PHACTR1: variants seen among roughly 807,000 people sequenced by gnomAD.
PHACTR1 encodes phosphatase and actin regulator 1.
In PHACTR1, 16 loss-of-function variants were observed where a neutral mutation model predicts 69.2. The ratio of observed to expected loss-of-function variants is 0.23; its 90% CI spans 0.16 to 0.35. PHACTR1 has a LOEUF of 0.35. Among genes scored for constraint, PHACTR1 ranks in the 10% least tolerant of loss-of-function variants. The pLI is 1.00. For missense variants in PHACTR1, 510 were observed against 734.7 expected (o/e 0.69, Z 3.54); for synonymous variants, 312 against 284.5 (o/e 1.10, Z -0.97).
chr6:13,104,687 G>C (rs959172750), intron 5 of PHACTR1, among the ~76,000 whole-genome samples: 14 of 152,090 alleles, frequency 9.2e-5, no homozygotes. Flanking sequence ...GGCCAATTTA[G>C]AATTAGCATA....
chr6:12,956,758 T>A (rs948090153), intron 4 of PHACTR1, among the ~76,000 whole-genome samples: 8 of 152,168 alleles, frequency 5.3e-5, no homozygotes, highest in Non-Finnish European at 1.2e-4. Context: ...GTTTTAGGTT[T>A]TATTTGCACA....
intron 3 of PHACTR1, among the ~76,000 whole-genome samples, chr6:12,737,602 T>C (rs550215274): frequency 4.4e-4 from 66 of 151,392 alleles, no homozygotes; most frequent in Admixed American, 6.6e-4. Flanking sequence ...TTCTTTCTTT[T>C]TTTTTTTTAA....
chr6:12,868,750 T>G (rs1781730698), intron 4 of PHACTR1, among the ~76,000 whole-genome samples: 1 of 151,608 alleles, frequency 6.6e-6, no homozygotes, highest in African/African-American at 2.4e-5. Flanking sequence ...GTAGCAACAG[T>G]TTATGAAAAC....
At chr6:13,206,397 A>G (rs1022898703) in intron 8 of PHACTR1, among the ~76,000 whole-genome samples, 5 of 152,382 alleles carry the variant, frequency 3.3e-5, no homozygotes, top group Admixed American at 2.6e-4. Flanking sequence ...TTATATATAC[A>G]CACAGTCCTC....
intron 10 of PHACTR1, chr6:13,267,153 C>G (rs1414896856): frequency 6.6e-6 from 1 of 152,262 alleles, no homozygotes; most frequent in Non-Finnish European, 1.5e-5. Flanking sequence ...CTCTTCCAGT[C>G]TTCTCTGTTC....
chr6:13,131,176 T>TAC (rs1230713782), intron 5 of PHACTR1, among the ~76,000 whole-genome samples: 61 of 23,854 alleles, frequency 2.6e-3, no homozygotes, highest in African/African-American at 5.6e-3. Flanking sequence ...TATGTGTGTA[T>TAC]ATACACACAC....
At chr6:13,276,131 A>AAAC (rs940623627) in intron 11 of PHACTR1, 1 of 151,576 alleles carries the variant, frequency 6.6e-6, no homozygotes, top group East Asian at 1.9e-4. Context: ...ATTAAAAAAA[A>AAAC]AAAAAACCTC....
In PHACTR1 at chr6:12,915,536, CAGG is replaced by C. The variant is rs1365750468; in HGVS notation, c.251-137823_251-137821del. ...AAAAAAAAAAGAAAAAAAAAAAAAA[CAGG>C]AGGAGAAGTGCCCTTCTTCCTGCAA... On this transcript the variant is annotated intron_variant, in intron 4 of 14. Coordinates refer to ENST00000332995, the MANE Select transcript of PHACTR1 (RefSeq NM_030948.6). Among the ~76,000 whole-genome samples the C allele has an allele frequency of 4.2e-4, 53 of 126,300 alleles. No individual in the cohort carries two copies. In the South Asian group the frequency reaches 0.013, roughly 30 times the overall value. 82.9% of individuals were successfully genotyped at this position (126,300 alleles called of 152,430 possible).
At position 13,064,659 on chromosome 6, in the gene PHACTR1, C is replaced by T. The variant is rs192667651; in HGVS notation, c.415+11130C>T. Among the ~76,000 whole-genome samples, 548 of 126,240 alleles carry T rather than the reference C, an allele frequency of 4.3e-3. 7 individuals are homozygous for T. The highest frequency in any genetic ancestry group is 0.015 in the African/African-American group (480 of 32,352). The allele number at this position is 126,240 out of a possible 152,430, so 82.8% of individuals were successfully genotyped here. On this transcript the variant is annotated intron_variant, in intron 5 of 14. Coordinates refer to ENST00000332995, the MANE Select transcript of PHACTR1 (RefSeq NM_030948.6). ...GACTATGGAGGATTCACCACCAGACCGGGAAGCAACAGCCTGGGCTCCAGA... is the reference window on the plus strand; with the variant it reads ...GACTATGGAGGATTCACCACCAGACTGGGAAGCAACAGCCTGGGCTCCAGA...
chr6:13,169,082 A>G (rs1052497355), intron 6 of PHACTR1, among the ~76,000 whole-genome samples: 8 of 152,100 alleles, frequency 5.3e-5, no homozygotes, highest in African/African-American at 1.7e-4. Context: ...GGTAGTAAGC[A>G]TGGGGAAAAA....
intron 3 of PHACTR1, among the ~76,000 whole-genome samples, chr6:12,736,418 TA>T (rs1186856221): frequency 1.3e-5 from 2 of 152,214 alleles, no homozygotes; most frequent in Non-Finnish European, 2.9e-5. Context: ...ACCCAGATTC[TA>T]AATCTGCCTG....
intron 4 of PHACTR1, among the ~76,000 whole-genome samples, chr6:12,834,042 T>G (rs1777881694): frequency 6.6e-6 from 1 of 152,124 alleles, no homozygotes; most frequent in South Asian, 2.1e-4. Context: ...TAGGCTATGG[T>G]CACTCTTGGC....
intron 4 of PHACTR1, among the ~76,000 whole-genome samples, chr6:12,833,331 T>A (rs1777792237): frequency 6.6e-6 from 1 of 151,864 alleles, no homozygotes; most frequent in Admixed American, 6.6e-5. Context: ...CGATCTCAGC[T>A]CACTGCAACC....
chr6:12,936,026 T>A (rs1295187836), intron 4 of PHACTR1, among the ~76,000 whole-genome samples: 1 of 150,068 alleles, frequency 6.7e-6, no homozygotes. Flanking sequence ...TACTGCCTAA[T>A]GATTTCAGCT....
intron 7 of PHACTR1, chr6:13,184,827 G>T: frequency 7.3e-7 from 1 of 1,366,582 alleles, no homozygotes; most frequent in African/African-American, 1.5e-5. Context: ...CTGCCAGTGA[G>T]TCTGGAGTCC....
At chr6:12,802,740 A>C in intron 4 of PHACTR1, among the ~76,000 whole-genome samples, 1 of 152,202 alleles carries the variant, frequency 6.6e-6, no homozygotes, top group Non-Finnish European at 1.5e-5. Context: ...AAAATATAAA[A>C]TTTTAAGCTT....
intron 8 of PHACTR1, among the ~76,000 whole-genome samples, chr6:13,214,676 G>A (rs985792468): frequency 5.9e-5 from 9 of 152,164 alleles, no homozygotes; most frequent in Admixed American, 3.3e-4. Context: ...AAGGCAATGC[G>A]GGTACATTCT....
intron 4 of PHACTR1, among the ~76,000 whole-genome samples, chr6:12,819,083 A>T (rs541392887): frequency 2.0e-5 from 3 of 152,342 alleles, no homozygotes; most frequent in Admixed American, 6.5e-5. Flanking sequence ...GAAAACCATG[A>T]ACACTGGGCA....
intron 6 of PHACTR1, among the ~76,000 whole-genome samples, chr6:13,163,042 C>T (rs925146980): frequency 3.9e-5 from 6 of 152,106 alleles, no homozygotes; most frequent in Admixed American, 6.5e-5. Context: ...GTCAGGAGTT[C>T]GAGACCAGCC....
Sources: allele counts gnomAD v4.1 joint callset (sites outside exome capture counted in the v4.1 genomes callset), GRCh38; gene constraint gnomAD v4.1.1; transcripts MANE v1.5; gene names NCBI Gene and HGNC (gene_info 2026-07-23, HGNC 2026-07-21).